The following AHNAK variants were observed in gnomAD, a reference collection of about 807,000 sequenced individuals.
AHNAK encodes the protein AHNAK nucleoprotein, also known as neuroblast differentiation-associated protein AHNAK.
AHNAK carries 23 observed loss-of-function variants against 37.8 expected under a neutral mutation model. The ratio of observed to expected loss-of-function variants is 0.61; its 90% confidence interval spans 0.44 to 0.86. The LOEUF is 0.86. Ranked by LOEUF, AHNAK falls within the 40% of genes least tolerant of loss-of-function variation. The pLI, the probability that AHNAK is intolerant of heterozygous loss-of-function variation, is 0.00. For missense variants in AHNAK, 7,411 were observed against 7,319.4 expected, an observed-to-expected ratio of 1.01 and a Z score of -0.46; for synonymous variants, 2,481 against 2,636.3, an observed-to-expected ratio of 0.94 and a Z score of 1.80.
Position 62,522,063 on chromosome 11 carries a change from T to G in AHNAK, c.12354A>C (p.Lys4118Asn). ...GTGCCTTGAGGTGCAGGTCAGGCAT[T>G]TTAAATTTGGGGCCCTTCAGTTTCC... ...PEGKLKGPKF[K>N]MPDLHLKAPK... The change falls in exon 5 of 5, where the codon AAA (lysine) becomes AAC (asparagine). Residue 4118 changes from lysine (K) to asparagine (N), a missense_variant. Physicochemically the swap from Lys to Asn is moderately conservative, Grantham distance 94. Coordinates refer to ENST00000378024, the MANE Select transcript of AHNAK (RefSeq NM_001620.3). 1.2e-6 allele frequency: 2 copies of G among 1,613,630 alleles called. No homozygotes were observed. The highest frequency in any genetic ancestry group is 1.7e-6 in the Non-Finnish European group (2 of 1,179,910).
chr11:62,513,159 C>G (rs1010036275), downstream of AHNAK, among the ~76,000 whole-genome samples: 6 of 152,204 alleles, frequency 3.9e-5, no homozygotes, highest in African/African-American at 4.8e-5. Context: ...AGCCCCTTCC[C>G]AGTCTCCTGA....
At chr11:62,510,817 A>G (rs1939896771) in intron 4 of AHNAK, among the ~76,000 whole-genome samples, 1 of 152,086 alleles carries the variant, frequency 6.6e-6, no homozygotes, top group Admixed American at 6.6e-5. Flanking sequence ...AAGCAAACAA[A>G]GTAAATGTTA....
intron 5 of AHNAK, among the ~76,000 whole-genome samples, chr11:62,434,992 C>G (rs927768361): frequency 6.6e-6 from 1 of 151,472 alleles, no homozygotes; most frequent in Non-Finnish European, 1.5e-5. Flanking sequence ...GGAACCAGGC[C>G]TCCTTTCCTA....
chr11:62,539,390 G>T (rs1209821174), intron 1 of AHNAK, among the ~76,000 whole-genome samples: 1 of 152,342 alleles, frequency 6.6e-6, no homozygotes, highest in East Asian at 1.9e-4. Context: ...AGCAGCCAGC[G>T]AGGGGGAAAG....
chr11:62,516,819 A>G lies in AHNAK; in HGVS notation c.17598T>C (p.Ser5866=), dbSNP rs1236168221. Residue 5866 remains serine, a synonymous_variant, in exon 5 of 5, where the codon TCT becomes TCC. Coordinates refer to ENST00000378024, the MANE Select transcript of AHNAK (RefSeq NM_001620.3). ...CAACCTTATTCCCACTGTCATTGCT[A>G]GAAGAGGAGGACAGTCGGGACTTCT... ...ASKKSRLSSS[S]SNDSGNKVGI... is the part of the protein sequence containing the mutation. The G allele has an allele frequency of 6.2e-7, 1 of 1,614,164 alleles. No homozygotes were observed. The highest frequency in any genetic ancestry group is 1.3e-5 in the African/African-American group (1 of 75,050).
chr11:62,443,430 G>A (rs1356054807), intron 5 of AHNAK, among the ~76,000 whole-genome samples: 7 of 151,660 alleles, frequency 4.6e-5, no homozygotes, highest in Admixed American at 2.0e-4. Flanking sequence ...GCACCACCAC[G>A]CCTGGCTTAT....
chr11:62,538,272 C>CA (rs1241355800), intron 1 of AHNAK, among the ~76,000 whole-genome samples: 1 of 152,208 alleles, frequency 6.6e-6, no homozygotes, highest in Admixed American at 6.5e-5. Flanking sequence ...CCTTGGCCCA[C>CA]AGTGAGTTCA....
chr11:62,444,552 T>C (rs773878191), intron 5 of AHNAK, among the ~76,000 whole-genome samples: 16 of 152,266 alleles, frequency 1.1e-4, no homozygotes, highest in Non-Finnish European at 2.2e-4. Flanking sequence ...CCCTCCAGGA[T>C]GTCCGCGCCG....
chr11:62,527,838 C>G lies in AHNAK; in HGVS notation c.6579G>C (p.Leu2193Phe). 1 of 1,608,418 alleles carries G rather than the reference C, an allele frequency of 6.2e-7. No individual in the cohort carries two copies. The highest frequency in any genetic ancestry group is 8.5e-7 in the Non-Finnish European group (1 of 1,178,032). Residue 2193 changes from leucine (L) to phenylalanine (F), a missense_variant, in exon 5 of 5, where the codon TTG (leucine) becomes TTC (phenylalanine). Coordinates refer to ENST00000378024, the MANE Select transcript of AHNAK (RefSeq NM_001620.3). ...TATCCCCTTTGACTTTGGGGCCTTT[C>G]AAGTTTAAGTTCACATCAGGCATGG... ...KISMPDVNLN[L>F]KGPKVKGDMD...
In AHNAK at chr11:62,518,453, T is replaced by C. The variant is rs756261391; in HGVS notation, c.15964A>G (p.Met5322Val). Residue 5322 changes from methionine to valine, a missense_variant, in exon 5 of 5, where the codon ATG (methionine) becomes GTG (valine). Physicochemically the swap from Met to Val is conservative, Grantham distance 21. Coordinates refer to ENST00000378024, the MANE Select transcript of AHNAK (RefSeq NM_001620.3). ...TTGAGCCCTGGAGCATGCACCTTCA[T>C]GCTGGGAACAGATGCATCCAGGTCT... The part of the protein sequence containing the change: ...KGDLDASVPS[M>V]KVHAPGLNLS... 7 of 1,613,942 alleles carry C rather than the reference T, an allele frequency of 4.3e-6. 1 individual carries two copies. In the Admixed American group the frequency reaches 1.0e-4, roughly 23 times the overall value.
In AHNAK at chr11:62,436,047, C is replaced by CTGGA. The variant is rs1188113034; in HGVS notation, c.443-2160_443-2157dup. Among the ~76,000 whole-genome samples, 9 of 152,310 alleles carry CTGGA rather than the reference C, an allele frequency of 5.9e-5. No homozygotes were observed. The East Asian group carries it at 1.7e-3, about 29-fold the overall frequency. Reference sequence around the variant, plus strand: ...GCCTCACTGTTTAAAAGGAGCAGAGCTGGAGTTCAAGCCTGGCTCACAGTA... The same window carrying CTGGA: ...GCCTCACTGTTTAAAAGGAGCAGAGCTGGATGGAGTTCAAGCCTGGCTCACAGTA... On this transcript the variant is annotated intron_variant, in intron 5 of 5. Transcript: ENST00000257247.
intron 4 of AHNAK, among the ~76,000 whole-genome samples, chr11:62,496,765 A>C (rs2134170771): frequency 6.6e-6 from 1 of 152,036 alleles, no homozygotes; most frequent in Admixed American, 6.6e-5. Flanking sequence ...ACTGCACTCC[A>C]GCCTGAGCAG....
chr11:62,497,275 C>T (rs1441754379), intron 4 of AHNAK, among the ~76,000 whole-genome samples: 6 of 152,170 alleles, frequency 3.9e-5, no homozygotes, highest in African/African-American at 1.4e-4. Context: ...ATTGTCATCT[C>T]GTCATTCCAG....
At chr11:62,471,190 T>C (rs1443632291) in intron 5 of AHNAK, among the ~76,000 whole-genome samples, 1 of 152,166 alleles carries the variant, frequency 6.6e-6, no homozygotes, top group Non-Finnish European at 1.5e-5. Context: ...TTCTTAATAG[T>C]GACGCCTTTG....
At chr11:62,467,527 A>G (rs779881242) in intron 5 of AHNAK, among the ~76,000 whole-genome samples, 3 of 152,160 alleles carry the variant, frequency 2.0e-5, no homozygotes, top group Middle Eastern at 3.2e-3. Context: ...TCTACTGAAA[A>G]TACAAACATT....
chr11:62,505,900 G>C (rs1037559639), intron 4 of AHNAK, among the ~76,000 whole-genome samples: 1 of 151,598 alleles, frequency 6.6e-6, no homozygotes, highest in Non-Finnish European at 1.5e-5. Context: ...AAGAGCAAGC[G>C]GTCCGGGCCG....
intron 5 of AHNAK, chr11:62,433,899 AC>A: frequency 6.2e-7 from 1 of 1,613,242 alleles, no homozygotes; most frequent in Non-Finnish European, 8.5e-7. Flanking sequence ...GTCCTGTAAA[AC>A]AACAACAAAG....
At chr11:62,439,089 A>ATTTTTTTTTTTTTT (rs11374757) in intron 5 of AHNAK, among the ~76,000 whole-genome samples, 1 of 92,898 alleles carries the variant, frequency 1.1e-5, no homozygotes, top group Non-Finnish European at 2.0e-5. Context: ...CAGTTTCCCT[A>ATTTTTTTTTTTTTT]TTTTTTTTTT....
chr11:62,500,221 G>T (rs151099720), intron 4 of AHNAK, among the ~76,000 whole-genome samples: 1 of 152,162 alleles, frequency 6.6e-6, no homozygotes, highest in East Asian at 1.9e-4. Context: ...CTCACAAAAC[G>T]AGGACCGTAG....
Sources: allele counts gnomAD v4.1 joint callset (sites outside exome capture counted in the v4.1 genomes callset), GRCh38; gene constraint gnomAD v4.1.1; transcripts MANE v1.5; gene names NCBI Gene and HGNC (gene_info 2026-07-23, HGNC 2026-07-21).